The following HLA-DOA variants were observed in gnomAD, a reference collection of about 807,000 sequenced individuals.
HLA-DOA encodes the protein major histocompatibility complex, class II, DO alpha, also known as HLA class II histocompatibility antigen, DO alpha chain.
HLA-DOA carries 27 observed loss-of-function variants against 22.9 expected under a neutral mutation model. The ratio of observed to expected loss-of-function variants is 1.18; its 90% CI spans 0.87 to 1.62. The LOEUF is 1.62. Among genes scored for constraint, HLA-DOA ranks in the 40% most tolerant of loss-of-function variants. The pLI is 0.00. For missense variants in HLA-DOA, 324 were observed against 332.4 expected (o/e 0.97, Z 0.20); for synonymous variants, 137 against 138.6 (o/e 0.99, Z 0.08).
In HLA-DOA at chr6:33,005,616, C is replaced by T. The variant is rs1161266154; in HGVS notation, c.*1222G>A. ...ATTTAGAGACAGGGTCTCACTCTGT[C>T]ACCTAGGCTGGAGTGCAGTGGCGCA... is the stretch of plus-strand genomic sequence containing the variant. On this transcript the variant is annotated 3_prime_UTR_variant, in exon 5 of 5. Transcript: ENST00000229829. 6.6e-6 allele frequency: 1 copy of T among 151,948 alleles called. No homozygotes were observed. Among genetic ancestry groups the T allele is most frequent in the Non-Finnish European group, 1.5e-5 (1 of 68,004 alleles). The allele number at this position is 151,948 out of a possible 1,614,324, so 9.4% of individuals were successfully genotyped here. A position where few individuals can be genotyped will look rare whatever the true frequency, so the allele number is the denominator to read the frequency against.
chr6:33,009,478 G>T lies in HLA-DOA; in HGVS notation c.59C>A (p.Pro20Gln). 6.2e-7 allele frequency: 1 copy of T among 1,604,418 alleles called. No individual in the cohort carries two copies. The highest frequency in any genetic ancestry group is 1.1e-5 in the South Asian group (1 of 89,478). ...ACCCTTGGTGGCCCCTGCCTCCTGC[G>T]GGCTCAGGAGGGTCATCAGGGTGTG... ...GFHTLMTLLS[P>Q]QEAGATKADH... is the part of the protein sequence containing the mutation. Residue 20 changes from proline to glutamine, a missense_variant, in exon 1 of 5, where the codon CCG (proline) becomes CAG (glutamine). Physicochemically the swap from Pro to Gln is moderately conservative, Grantham distance 76. Coordinates refer to ENST00000229829, the MANE Select transcript of HLA-DOA (RefSeq NM_002119.4). The surrounding 1 kb of genome is among the most constrained non-coding windows in gnomAD (Gnocchi z 4.8).
rs1462936426 is a variant in HLA-DOA at position 33,009,202 on chromosome 6, G to A, written c.82+253C>T. Among the ~76,000 whole-genome samples, 1 of 151,972 alleles carries A rather than the reference G, an allele frequency of 6.6e-6. No individual in the cohort carries two copies. Among genetic ancestry groups the A allele is most frequent in the African/African-American group, 2.4e-5 (1 of 41,406 alleles). Reference sequence around the variant, plus strand: ...GGGTGGAGGTTTGGGTCTCAGGAAGGAGGAAGGAATGAGGAGAAATCTGAA... The same window carrying A: ...GGGTGGAGGTTTGGGTCTCAGGAAGAAGGAAGGAATGAGGAGAAATCTGAA... On this transcript the variant is annotated intron_variant, in intron 1 of 4. Transcript: ENST00000229829. This position sits in a 1 kb window ranked among gnomAD's most constrained non-coding sequence, Gnocchi z 4.8.
chr6:33,005,110 G>A lies in HLA-DOA; in HGVS notation c.*1728C>T, dbSNP rs376892. ...GGGATCCCCCTTTCCCATGACCCCC[G>A]ATGGCACCTGATTACGTCACTGGGT... is the stretch of plus-strand genomic sequence containing the variant. On this transcript the variant is annotated 3_prime_UTR_variant, in exon 5 of 5. Coordinates refer to ENST00000229829, the MANE Select transcript of HLA-DOA (RefSeq NM_002119.4). The A allele has an allele frequency of 0.33, 50,844 of 152,358 alleles. 9,411 individuals are homozygous for A. Among genetic ancestry groups the A allele is most frequent in the African/African-American group, 0.49 (20,122 of 41,466 alleles). The allele number at this position is 152,358 out of a possible 1,614,324, so 9.4% of individuals were successfully genotyped here. A position where few individuals can be genotyped will look rare whatever the true frequency, so the allele number is the denominator to read the frequency against.
intron 2 of HLA-DOA, chr6:33,007,796 G>C: frequency 1.2e-6 from 1 of 826,798 alleles, no homozygotes; most frequent in Non-Finnish European, 1.8e-6. Context: ...TATTTGACTG[G>C]TCCCTGGGCG....
Position 33,008,271 on chromosome 6 carries a change from G to T in HLA-DOA, c.83-10C>A, listed in dbSNP as rs181279105. ...GAGCCCATGTGGTCAGCTGTGTTTG[G>T]CGAGTTCAGGGTCAAGGAGAGAGAA... On this transcript the variant is annotated splice_polypyrimidine_tract_variant and intron_variant, in intron 1 of 4. Transcript: ENST00000229829. 3.2e-4 allele frequency: 520 copies of T among 1,611,948 alleles called. 7 individuals are homozygous for T. The East Asian group carries it at 0.011, about 35-fold the overall frequency.
At position 33,005,287 on chromosome 6, in the gene HLA-DOA, A is replaced by T. The variant is rs989609278; in HGVS notation, c.*1551T>A. The T allele has an allele frequency of 2.0e-5, 3 of 152,346 alleles. No individual in the cohort carries two copies. The highest frequency in any genetic ancestry group is 4.4e-5 in the Non-Finnish European group (3 of 68,164). 9.4% of individuals were successfully genotyped at this position (152,346 alleles called of 1,614,324 possible). A position where few individuals can be genotyped will look rare whatever the true frequency, so the allele number is the denominator to read the frequency against. On this transcript the variant is annotated 3_prime_UTR_variant, in exon 5 of 5. Transcript: ENST00000229829. Reference sequence around the variant, plus strand: ...GGTGGGTGGATCACGAGGTCAAGAGATGGAGGCCATCCTGGCCAACATGAT... The same window carrying T: ...GGTGGGTGGATCACGAGGTCAAGAGTTGGAGGCCATCCTGGCCAACATGAT...
chr6:33,007,745 A>C lies in HLA-DOA; in HGVS notation c.332-153T>G, dbSNP rs976400296. ...GGCAGGAGAGGAGGAAAACAGAGGG[A>C]GAGGAGACTGGGGAGGGAGTGGGGA... On this transcript the variant is annotated intron_variant, in intron 2 of 4. Transcript: ENST00000229829. 4 of 925,464 alleles carry C rather than the reference A, an allele frequency of 4.3e-6. No homozygotes were observed. In the African/African-American group the frequency reaches 5.0e-5, roughly 12 times the overall value. 57.3% of individuals were successfully genotyped at this position (925,464 alleles called of 1,614,324 possible).
In HLA-DOA at chr6:33,009,436, T is replaced by A. The variant is rs1202790536; in HGVS notation, c.82+19A>T. Reference sequence around the variant, plus strand: ...TAAATCTCTGCTCCCCGCCGCACCCTCCTCGCCCTCGCACTCACCCTTGGT... The same window carrying A: ...TAAATCTCTGCTCCCCGCCGCACCCACCTCGCCCTCGCACTCACCCTTGGT... On this transcript the variant is annotated intron_variant, in intron 1 of 4. Coordinates refer to ENST00000229829, the MANE Select transcript of HLA-DOA (RefSeq NM_002119.4). The surrounding 1 kb of genome is among the most constrained non-coding windows in gnomAD (Gnocchi z 4.8). The A allele has an allele frequency of 6.4e-7, 1 of 1,559,192 alleles. No homozygotes were observed. The highest frequency in any genetic ancestry group is 1.4e-5 in the African/African-American group (1 of 73,790).
intron 1 of HLA-DOA, among the ~76,000 whole-genome samples, chr6:33,008,856 T>A (rs183558636): frequency 2.0e-5 from 3 of 152,228 alleles, no homozygotes; most frequent in Admixed American, 6.5e-5. Context: ...TATGACTGAG[T>A]GTGGCTCTTC....
rs762022001 is a variant in HLA-DOA at position 33,008,157 on chromosome 6, T to C, written c.187A>G (p.Lys63Glu). The C allele has an allele frequency of 1.2e-5, 20 of 1,612,952 alleles. No homozygotes were observed. The highest frequency in any genetic ancestry group is 1.7e-5 in the Admixed American group (1 of 60,014). Reference sequence around the variant, plus strand: ...AGACGCCACACGGCCTCGCTTTTCTTCAGGTCCACAGAGAACAGCTGTTCC... The same window carrying C: ...AGACGCCACACGGCCTCGCTTTTCTCCAGGTCCACAGAGAACAGCTGTTCC... ...DEEQLFSVDLKKSEAVWRLPE... is the reference protein window; with the variant it reads ...DEEQLFSVDLEKSEAVWRLPE... Residue 63 changes from lysine (K) to glutamate (E), a missense_variant, in exon 2 of 5, where the codon AAG (lysine) becomes GAG (glutamate). Coordinates refer to ENST00000229829, the MANE Select transcript of HLA-DOA (RefSeq NM_002119.4).
intron 2 of HLA-DOA, 98 bp downstream of exon 2, chr6:33,007,915 G>A: frequency 2.1e-6 from 3 of 1,452,280 alleles, no homozygotes; most frequent in South Asian, 1.4e-5. Flanking sequence ...AGGCGCGGGC[G>A]CTGAGAGCGC....
chr6:33,009,586 A>C lies in HLA-DOA; in HGVS notation c.-50T>G, dbSNP rs748734804. 6 of 1,404,464 alleles carry C rather than the reference A, an allele frequency of 4.3e-6. No homozygotes were observed. The Admixed American group carries it at 6.7e-5, about 16-fold the overall frequency. The allele number at this position is 1,404,464 out of a possible 1,614,324, so 87.0% of individuals were successfully genotyped here. A position where few individuals can be genotyped will look rare whatever the true frequency, so the allele number is the denominator to read the frequency against. On this transcript the variant is annotated 5_prime_UTR_variant, in exon 1 of 5. Coordinates refer to ENST00000229829, the MANE Select transcript of HLA-DOA (RefSeq NM_002119.4). This position sits in a 1 kb window ranked among gnomAD's most constrained non-coding sequence, Gnocchi z 4.8. ...CAGTCTCAGTCCGTGTGGTGAGGAC[A>C]GGAACAAGGCGGAGGTAAAGAAGAA...
chr6:33,007,145 G>C lies in HLA-DOA; in HGVS notation c.684C>G (p.Gly228=), dbSNP rs1354136154. The change falls in exon 4 of 5, where the codon GGC becomes GGG. Residue 228 remains glycine, a synonymous_variant. Transcript: ENST00000229829. ...CGGTGCCCACGAGGAAGCCCACCAG[G>C]CCGATGGCCAGGCCCAGGGCACAGA... The part of the protein sequence containing the change: ...TLVCALGLAI[G]LVGFLVGTVL... 6 of 1,613,804 alleles carry C rather than the reference G, an allele frequency of 3.7e-6. No homozygotes were observed. The South Asian group carries it at 6.6e-5, about 18-fold the overall frequency.
intron 2 of HLA-DOA, 124 bp from the exon 3 acceptor site, chr6:33,007,716 C>T: frequency 8.6e-7 from 1 of 1,157,498 alleles, no homozygotes. Context: ...GGGGTATCCA[C>T]TGGGGCAGGA....
Position 33,007,640 on chromosome 6 carries a change from G to A in HLA-DOA, c.332-48C>T, listed in dbSNP as rs763365297. ...CCACAGGCTCATCCCTCACCCCAGG[G>A]CCTTACTAGGACTGGGATTAAGGGA... On this transcript the variant is annotated intron_variant, in intron 2 of 4. Coordinates refer to ENST00000229829, the MANE Select transcript of HLA-DOA (RefSeq NM_002119.4). The A allele has an allele frequency of 3.8e-6, 6 of 1,561,822 alleles. No individual in the cohort carries two copies. The Admixed American group carries it at 9.1e-5, about 24-fold the overall frequency.
chr6:33,009,585 C>T lies in HLA-DOA; in HGVS notation c.-49G>A. 7.1e-7 allele frequency: 1 copy of T among 1,411,160 alleles called. No homozygotes were observed. Among genetic ancestry groups the T allele is most frequent in the Non-Finnish European group, 9.6e-7 (1 of 1,041,322 alleles). The allele number at this position is 1,411,160 out of a possible 1,614,324, so 87.4% of individuals were successfully genotyped here. On this transcript the variant is annotated 5_prime_UTR_variant, in exon 1 of 5. Transcript: ENST00000229829. This position sits in a 1 kb window ranked among gnomAD's most constrained non-coding sequence, Gnocchi z 4.8. ...TCAGTCTCAGTCCGTGTGGTGAGGACAGGAACAAGGCGGAGGTAAAGAAGA... is the reference window on the plus strand; with the variant it reads ...TCAGTCTCAGTCCGTGTGGTGAGGATAGGAACAAGGCGGAGGTAAAGAAGA...
chr6:33,009,542 T>G lies in HLA-DOA; in HGVS notation c.-6A>C. On this transcript the variant is annotated 5_prime_UTR_variant, in exon 1 of 5. Coordinates refer to ENST00000229829, the MANE Select transcript of HLA-DOA (RefSeq NM_002119.4). The surrounding 1 kb of genome is among the most constrained non-coding windows in gnomAD (Gnocchi z 4.8). ...AGCCCTGCTCTGAGGGCCATTACACTCTGGTGCTTTAATCAAATCAGTCTC... is the reference window on the plus strand; with the variant it reads ...AGCCCTGCTCTGAGGGCCATTACACGCTGGTGCTTTAATCAAATCAGTCTC... The G allele has an allele frequency of 6.3e-7, 1 of 1,591,176 alleles. No individual in the cohort carries two copies.
chr6:33,007,167 C>T lies in HLA-DOA; in HGVS notation c.662G>A (p.Cys221Tyr). The T allele has an allele frequency of 2.5e-6, 4 of 1,613,874 alleles. No homozygotes were observed. The highest frequency in any genetic ancestry group is 3.4e-6 in the Non-Finnish European group (4 of 1,180,002). The change falls in exon 4 of 5, where the codon TGT becomes TAT. Residue 221 changes from cysteine (C) to tyrosine (Y), a missense_variant. Transcript: ENST00000229829. ...CAGGCCGATGGCCAGGCCCAGGGCA[C>T]AGACCAGGGTCTCCATGGCATCTGG... is the stretch of plus-strand genomic sequence containing the variant. ...PPPDAMETLVCALGLAIGLVG... is the reference protein window; with the variant it reads ...PPPDAMETLVYALGLAIGLVG...
chr6:33,006,741 G>A lies in HLA-DOA; in HGVS notation c.*97C>T, dbSNP rs753347071. 1.2e-5 allele frequency: 19 copies of A among 1,605,230 alleles called. No individual in the cohort carries two copies. Among genetic ancestry groups the A allele is most frequent in the African/African-American group, 2.7e-5 (2 of 74,786 alleles). ...TGATCCCACTCAAAGTCAGCACAGC[G>A]GGATGCACTTAAAGGGCACTGAGCA... On this transcript the variant is annotated 3_prime_UTR_variant, in exon 5 of 5. Transcript: ENST00000229829.
Sources: allele counts gnomAD v4.1 joint callset (sites outside exome capture counted in the v4.1 genomes callset), GRCh38; gene constraint gnomAD v4.1.1; non-coding constraint Gnocchi (gnomAD v3.1); transcripts MANE v1.5; gene names NCBI Gene and HGNC (gene_info 2026-07-23, HGNC 2026-07-21).